PCMT1: variants seen among roughly 807,000 people sequenced by gnomAD.
PCMT1 encodes the protein protein-L-isoaspartate (D-aspartate) O-methyltransferase.
In PCMT1, 9 loss-of-function variants were observed where a neutral mutation model predicts 29.2. The observed-to-expected ratio is 0.31, with a 90% CI of 0.19 to 0.54. The LOEUF is 0.54. Ranked by LOEUF, PCMT1 falls within the 20% of genes least tolerant of loss-of-function variation. PCMT1 has a pLI of 0.95. For synonymous variants in PCMT1, 98 were observed against 97.5 expected, an observed-to-expected ratio of 1.00 and a Z score of -0.03; for missense variants, 184 against 282.2, an observed-to-expected ratio of 0.65 and a Z score of 2.49.
Position 149,793,532 on chromosome 6 carries a change from T to A in PCMT1, c.298-17T>A, listed in dbSNP as rs975802999. 1 of 1,445,376 alleles carries A rather than the reference T, an allele frequency of 6.9e-7. No homozygotes were observed. The highest frequency in any genetic ancestry group is 9.1e-7 in the Non-Finnish European group (1 of 1,098,958). 89.5% of individuals were successfully genotyped at this position (1,445,376 alleles called of 1,614,324 possible). ...AATTTAGCCCAATGAGCTACTGAATTGTTTTCTCTTTTCCAGGTTGGATGT... is the reference window on the plus strand; with the variant it reads ...AATTTAGCCCAATGAGCTACTGAATAGTTTTCTCTTTTCCAGGTTGGATGT... On this transcript the variant is annotated splice_polypyrimidine_tract_variant and intron_variant, in intron 4 of 7. Transcript: ENST00000464889.
At chr6:149,772,766 C>G (rs1787387401) in intron 2 of PCMT1, 1 of 350,238 alleles carries the variant, frequency 2.9e-6, no homozygotes, top group Non-Finnish European at 5.5e-6. Flanking sequence ...GCCTGTAATC[C>G]TAGCACTTTG....
intron 6 of PCMT1, 35 bp downstream of exon 6, chr6:149,796,535 T>G (rs1030964083): frequency 6.9e-7 from 1 of 1,459,830 alleles, no homozygotes; most frequent in Non-Finnish European, 9.6e-7. Context: ...TGTGTTTTTA[T>G]TCAACTAAAA....
chr6:149,802,870 A>G (rs1165090771), intron 7 of PCMT1, among the ~76,000 whole-genome samples: 1 of 151,844 alleles, frequency 6.6e-6, no homozygotes, highest in Non-Finnish European at 1.5e-5. Flanking sequence ...CCTGGCCAAC[A>G]TGGTGAAACC....
In PCMT1 at chr6:149,786,311, C is replaced by CA. The variant is rs1554254888; in HGVS notation, c.193-3643_193-3642insA. ...CTCCAGGACGGGGCGGCTGGCCGGG[C>CA]GGGGGCTGACCCCCCCACCTCCCTC... On this transcript the variant is annotated intron_variant, in intron 3 of 7. Coordinates refer to ENST00000464889, the MANE Select transcript of PCMT1 (RefSeq NM_001360452.2). Among the ~76,000 whole-genome samples, 44 of 29,388 alleles carry CA rather than the reference C, an allele frequency of 1.5e-3. 14 individuals carry two copies. Among genetic ancestry groups the CA allele is most frequent in the Admixed American group, 4.5e-3 (11 of 2,432 alleles). The allele number at this position is 29,388 out of a possible 152,430, so 19.3% of individuals were successfully genotyped here.
intron 3 of PCMT1, among the ~76,000 whole-genome samples, chr6:149,778,663 G>T (rs980660801): frequency 6.6e-6 from 1 of 151,892 alleles, no homozygotes; most frequent in Non-Finnish European, 1.5e-5. Flanking sequence ...TTAGCCTCCT[G>T]AGTAGCTGGG....
intron 1 of PCMT1, among the ~76,000 whole-genome samples, chr6:149,751,679 A>C (rs904532400): frequency 2.0e-5 from 3 of 151,956 alleles, no homozygotes; most frequent in Non-Finnish European, 4.4e-5. Flanking sequence ...AAGGGGTTTC[A>C]CTATGTTGGC....
rs1332692587 is a variant in PCMT1 at position 149,773,129 on chromosome 6, C to T, written c.161-9C>T. 3.7e-6 allele frequency: 6 copies of T among 1,606,694 alleles called. 1 individual carries two copies. The Admixed American group carries it at 1.0e-4, about 27-fold the overall frequency. On this transcript the variant is annotated splice_polypyrimidine_tract_variant and intron_variant, in intron 2 of 7. Transcript: ENST00000464889. ...TGACTGTATCAGTAGTTCTCTTCTT[C>T]TTTTGCAGGTTTCCAAGCAACAATC...
At position 149,763,754 on chromosome 6, in the gene PCMT1, T is replaced by C. The variant is rs78659572; in HGVS notation, c.56-7408T>C. Reference sequence around the variant, plus strand: ...GTGAATATGATGATGGTTTCAAAAATTGATGAATAATTGGCAGTGTTGAGT... The same window carrying C: ...GTGAATATGATGATGGTTTCAAAAACTGATGAATAATTGGCAGTGTTGAGT... On this transcript the variant is annotated intron_variant, in intron 1 of 7. Transcript: ENST00000464889. 4.7e-3 allele frequency among the ~76,000 whole-genome samples: 719 copies of C among 152,276 alleles called. 5 individuals carry two copies. The highest frequency in any genetic ancestry group is 0.016 in the African/African-American group (680 of 41,548).
chr6:149,807,766 T>C (rs902946256), intron 7 of PCMT1, among the ~76,000 whole-genome samples: 3 of 152,236 alleles, frequency 2.0e-5, no homozygotes, highest in African/African-American at 7.2e-5. Flanking sequence ...CCATAAGCTC[T>C]TTGTTTATTG....
At chr6:149,767,109 T>G (rs1020109983) in intron 1 of PCMT1, among the ~76,000 whole-genome samples, 16 of 152,076 alleles carry the variant, frequency 1.1e-4, no homozygotes, top group Admixed American at 6.6e-5. Flanking sequence ...CTTGGGAGGC[T>G]GAGGCAGGAG....
chr6:149,762,768 T>G (rs1427299261), intron 1 of PCMT1, among the ~76,000 whole-genome samples: 4 of 50,882 alleles, frequency 7.9e-5, no homozygotes, highest in African/African-American at 2.0e-4. Flanking sequence ...ATACCTATGA[T>G]ATATATATAC....
chr6:149,773,666 A>C (rs952993730), intron 3 of PCMT1, among the ~76,000 whole-genome samples: 1 of 152,252 alleles, frequency 6.6e-6, no homozygotes, highest in African/African-American at 2.4e-5. Flanking sequence ...GGCGTGAGCC[A>C]CTGCGCTTGG....
At position 149,794,902 on chromosome 6, in the gene PCMT1, C is replaced by T. The variant is rs973450370; in HGVS notation, c.418+1233C>T. The T allele has an allele frequency of 2.6e-5, 12 of 470,532 alleles. No individual in the cohort carries two copies. In the Admixed American group the frequency reaches 2.6e-4, roughly 10 times the overall value. The allele number at this position is 470,532 out of a possible 1,614,324, so 29.1% of individuals were successfully genotyped here. The stretch of plus-strand genomic sequence containing the variant: ...CTCAACTCACTTCTTGTATTAGAAA[C>T]GTTTCTTCTCTGGCTGGATGTGGTG... On this transcript the variant is annotated intron_variant, in intron 5 of 7. Transcript: ENST00000464889.
chr6:149,786,636 G>A (rs1788102987), intron 3 of PCMT1, among the ~76,000 whole-genome samples: 2 of 149,166 alleles, frequency 1.3e-5, no homozygotes, highest in East Asian at 2.0e-4. Context: ...CCTCCCAGAC[G>A]GGGTCGCGGC....
chr6:149,766,521 C>G (rs553497404), intron 1 of PCMT1, among the ~76,000 whole-genome samples: 1 of 152,312 alleles, frequency 6.6e-6, no homozygotes, highest in South Asian at 2.1e-4. Context: ...GAACATGGGT[C>G]AGCAAACTAC....
At chr6:149,759,252 A>G (rs1402912068) in intron 1 of PCMT1, among the ~76,000 whole-genome samples, 1 of 152,192 alleles carries the variant, frequency 6.6e-6, no homozygotes, top group Non-Finnish European at 1.5e-5. Flanking sequence ...GCCTCTACTT[A>G]GCATCTATCA....
chr6:149,759,475 G>A (rs1786655024), intron 1 of PCMT1, among the ~76,000 whole-genome samples: 1 of 151,918 alleles, frequency 6.6e-6, no homozygotes, highest in Non-Finnish European at 1.5e-5. Context: ...AAATCTATCT[G>A]CAGCTTATTT....
intron 1 of PCMT1, among the ~76,000 whole-genome samples, chr6:149,766,383 G>T (rs1112730): frequency 6.6e-6 from 1 of 151,936 alleles, no homozygotes; most frequent in Non-Finnish European, 1.5e-5. Flanking sequence ...GTATAAAATC[G>T]TTGGCTTACA....
intron 3 of PCMT1, among the ~76,000 whole-genome samples, chr6:149,779,343 C>CAG (rs1172999590): frequency 1.4e-4 from 21 of 152,126 alleles, no homozygotes; most frequent in African/African-American, 4.3e-4. Context: ...CTAACTCCTG[C>CAG]CACAAACTGC....
Sources: allele counts gnomAD v4.1 joint callset (sites outside exome capture counted in the v4.1 genomes callset), GRCh38; gene constraint gnomAD v4.1.1; transcripts MANE v1.5; gene names NCBI Gene and HGNC (gene_info 2026-07-23, HGNC 2026-07-21).